The following PHACTR1 variants were observed in gnomAD, a reference collection of about 807,000 sequenced individuals.
PHACTR1 encodes the protein phosphatase and actin regulator 1, also known as RPEL repeat containing 1.
A neutral mutation model predicts 69.2 loss-of-function variants in PHACTR1; 16 were observed. The observed-to-expected ratio is 0.23, with a 90% CI of 0.16 to 0.35. The LOEUF (loss-of-function observed/expected upper bound fraction) is 0.35, where lower values mean the gene tolerates loss of function less well. Ranked by LOEUF, PHACTR1 falls within the 10% of genes least tolerant of loss-of-function variation. The pLI is 1.00. For missense variants in PHACTR1, 510 were observed against 734.7 expected, an observed-to-expected ratio of 0.69 and a Z score of 3.54; for synonymous variants, 312 against 284.5, an observed-to-expected ratio of 1.10 and a Z score of -0.97.
rs146057915 is a variant in PHACTR1, at chr6:12,778,914, C to T, written c.250+29124C>T. Among the ~76,000 whole-genome samples the T allele has an allele frequency of 5.1e-3, 775 of 152,342 alleles. 4 individuals are homozygous for T. Among genetic ancestry groups the T allele is most frequent in the African/African-American group, 0.018 (733 of 41,578 alleles). On this transcript the variant is annotated intron_variant, in intron 4 of 14. Transcript: ENST00000332995. ...GTCCCCCCTCCCCTGCAGACACAGC[C>T]CCAAGCCAGGGCTCATGGCTTAAGC...
intron 5 of PHACTR1, among the ~76,000 whole-genome samples, chr6:13,154,815 T>G (rs1048579564): frequency 6.6e-6 from 1 of 152,190 alleles, no homozygotes; most frequent in Non-Finnish European, 1.5e-5. Flanking sequence ...TTCTAAATTC[T>G]TTAACTTTTC....
chr6:13,059,486 A>G (rs1433397338), intron 5 of PHACTR1, among the ~76,000 whole-genome samples: 1 of 151,326 alleles, frequency 6.6e-6, no homozygotes, highest in Admixed American at 6.6e-5. Context: ...ACACACACAC[A>G]CACACACAAA....
intron 4 of PHACTR1, among the ~76,000 whole-genome samples, chr6:12,789,913 C>T (rs1167711793): frequency 6.7e-6 from 1 of 148,556 alleles, no homozygotes; most frequent in African/African-American, 2.5e-5. Flanking sequence ...TCTCCTAATG[C>T]TATCCCTCCC....
chr6:13,201,071 A>G (rs1765173300), intron 7 of PHACTR1, among the ~76,000 whole-genome samples: 1 of 152,172 alleles, frequency 6.6e-6, no homozygotes, highest in African/African-American at 2.4e-5. Flanking sequence ...GGTCCTGAGG[A>G]CCACAGGGCA....
chr6:13,075,362 C>G (rs1035493365), intron 5 of PHACTR1, among the ~76,000 whole-genome samples: 1 of 152,114 alleles, frequency 6.6e-6, no homozygotes, highest in East Asian at 1.9e-4. Context: ...GCCTGGCACC[C>G]CAGCCCACTA....
intron 10 of PHACTR1, among the ~76,000 whole-genome samples, chr6:13,263,295 A>T (rs1234951155): frequency 5.6e-4 from 26 of 46,600 alleles, no homozygotes; most frequent in South Asian, 2.1e-3. Flanking sequence ...ACTTCAATTT[A>T]TTTGATTATT....
intron 10 of PHACTR1, among the ~76,000 whole-genome samples, chr6:13,250,499 A>G (rs1033527569): frequency 2.0e-5 from 3 of 152,242 alleles, no homozygotes; most frequent in Non-Finnish European, 2.9e-5. Flanking sequence ...AAGGACAACC[A>G]GGTATCATTG....
chr6:12,826,296 T>G (rs999673240), intron 4 of PHACTR1, among the ~76,000 whole-genome samples: 1 of 152,264 alleles, frequency 6.6e-6, no homozygotes, highest in African/African-American at 2.4e-5. Flanking sequence ...CACAAAAAAG[T>G]AAAAATAAAG....
chr6:13,269,209 CCTGGG>C (rs2127439480), intron 10 of PHACTR1, among the ~76,000 whole-genome samples: 1 of 152,316 alleles, frequency 6.6e-6, no homozygotes, highest in African/African-American at 2.4e-5. Flanking sequence ...TGACTTAAAG[CCTGGG>C]TATTACCAAA....
chr6:12,777,838 G>A (rs1581703095), intron 4 of PHACTR1, among the ~76,000 whole-genome samples: 1 of 152,050 alleles, frequency 6.6e-6, no homozygotes, highest in Admixed American at 6.5e-5. Flanking sequence ...CGCCATGTTG[G>A]TCAGGCTGGT....
At chr6:13,006,292 T>A (rs1433424610) in intron 4 of PHACTR1, among the ~76,000 whole-genome samples, 1 of 152,230 alleles carries the variant, frequency 6.6e-6, no homozygotes, top group Non-Finnish European at 1.5e-5. Flanking sequence ...TGGTTGTGTT[T>A]TATGATGCCA....
At chr6:13,003,965 G>GTATATATATATATATGTATATA (rs772804033) in intron 4 of PHACTR1, among the ~76,000 whole-genome samples, 1 of 96,308 alleles carries the variant, frequency 1.0e-5, no homozygotes, top group South Asian at 3.1e-4. Context: ...ATATATATAT[G>GTATATATATATATATGTATATA]TATATATATA....
intron 4 of PHACTR1, among the ~76,000 whole-genome samples, chr6:12,885,434 C>T (rs536281834): frequency 2.8e-4 from 42 of 152,140 alleles, no homozygotes; most frequent in Non-Finnish European, 5.0e-4. Flanking sequence ...TCAAAGAATT[C>T]CTATTATCTG....
intron 4 of PHACTR1, among the ~76,000 whole-genome samples, chr6:12,825,098 G>A (rs1776641210): frequency 1.3e-5 from 2 of 151,932 alleles, no homozygotes; most frequent in South Asian, 4.2e-4. Flanking sequence ...GGGCAACATA[G>A]CAAGACTCCC....
intron 7 of PHACTR1, among the ~76,000 whole-genome samples, chr6:13,193,364 T>TATATATATATATAC (rs1304699801): frequency 9.9e-6 from 1 of 101,468 alleles, no homozygotes; most frequent in African/African-American, 3.7e-5. Context: ...TGTGTATATA[T>TATATATATATATAC]ATATATATAT....
At chr6:12,733,993 C>T (rs572443036) in intron 3 of PHACTR1, among the ~76,000 whole-genome samples, 1 of 152,320 alleles carries the variant, frequency 6.6e-6, no homozygotes, top group South Asian at 2.1e-4. Flanking sequence ...CTGCCCAACT[C>T]AGTTCAACAT....
intron 4 of PHACTR1, among the ~76,000 whole-genome samples, chr6:12,964,188 G>T (rs535421992): frequency 3.0e-4 from 46 of 152,210 alleles, no homozygotes; most frequent in African/African-American, 8.7e-4. Flanking sequence ...CTGTTCTAAA[G>T]ACAAGGTATT....
chr6:12,937,359 T>A (rs912227911), intron 4 of PHACTR1, among the ~76,000 whole-genome samples: 1 of 152,114 alleles, frequency 6.6e-6, no homozygotes, highest in Admixed American at 6.5e-5. Flanking sequence ...TGAGTGGATT[T>A]TTTTTTTTTG....
At chr6:12,757,276 A>G (rs536313550) in intron 4 of PHACTR1, among the ~76,000 whole-genome samples, 146 of 152,290 alleles carry the variant, frequency 9.6e-4, no homozygotes, top group African/African-American at 3.3e-3. Flanking sequence ...GACCTAAACT[A>G]GAGTGTTCCT....
Sources: gnomAD v4.1 joint callset for allele counts (sites outside exome capture counted in the v4.1 genomes callset) on GRCh38, gnomAD v4.1.1 for gene constraint, MANE v1.5 for transcripts, NCBI Gene and HGNC (gene_info 2026-07-23, HGNC 2026-07-21) for gene names.